Variants in SEMA4D observed in about 807,000 individuals in gnomAD.
SEMA4D encodes semaphorin-4D.
A neutral mutation model predicts 74.8 loss-of-function variants in SEMA4D; 22 were observed. That is an observed-to-expected ratio of 0.29 (90% CI 0.21 to 0.42). The LOEUF (loss-of-function observed/expected upper bound fraction) is 0.42. Among genes scored for constraint, SEMA4D ranks in the 10% least tolerant of loss-of-function variants. The probability of loss-of-function intolerance (pLI) is 1.00; values close to 1 mark genes in which losing one functional copy is unlikely to be tolerated. For synonymous variants in SEMA4D, 445 were observed against 463.7 expected (o/e 0.96, Z 0.52); for missense variants, 937 against 1,118.4 (o/e 0.84, Z 2.31).
At chr9:89,478,549 A>T (rs1390801553) in intron 1 of SEMA4D, among the ~76,000 whole-genome samples, 1 of 152,204 alleles carries the variant, frequency 6.6e-6, no homozygotes, top group Non-Finnish European at 1.5e-5. Context: ...GCTACCAGAC[A>T]TTCATCCCTA....
rs1239718214 is a variant in SEMA4D, at chr9:89,377,995, G to A, written c.*709C>T. On this transcript the variant is annotated 3_prime_UTR_variant, in exon 16 of 16. Coordinates refer to ENST00000422704, the MANE Select transcript of SEMA4D (RefSeq NM_001371194.2). The stretch of plus-strand genomic sequence containing the variant: ...AAAAAAAAAAAAGAAAAAGAAAAAA[G>A]GTGAGTGGGCTCCGGGGAGTGTTTA... 1.3e-5 allele frequency: 2 copies of A among 151,866 alleles called. No homozygotes were observed. Among genetic ancestry groups the A allele is most frequent in the African/African-American group, 4.8e-5 (2 of 41,272 alleles). 9.4% of individuals were successfully genotyped at this position (151,866 alleles called of 1,614,324 possible). A position where few individuals can be genotyped will look rare whatever the true frequency, so the allele number is the denominator to read the frequency against.
chr9:89,396,699 G>A (rs1841040655), intron 6 of SEMA4D, 38 bp downstream of exon 6: 3 of 1,548,034 alleles, frequency 1.9e-6, no homozygotes, highest in Non-Finnish European at 2.7e-6. Context: ...CTGCTGACCA[G>A]GCTGGCGTGA....
exon 19 of SEMA4D, chr9:89,362,139 T>C: frequency 1.7e-6 from 1 of 587,788 alleles, no homozygotes; most frequent in Non-Finnish European, 3.0e-6. Context: ...GGTTACCTGC[T>C]TGTGCCAGAC....
At chr9:89,479,355 G>A (rs1016515414) in intron 1 of SEMA4D, among the ~76,000 whole-genome samples, 26 of 152,154 alleles carry the variant, frequency 1.7e-4, no homozygotes, top group African/African-American at 1.9e-4. Flanking sequence ...ACAGCTTTTC[G>A]CCCAGCTCAG....
intron 12 of SEMA4D, 173 bp downstream of exon 12, chr9:89,387,213 C>T (rs189531572): frequency 5.7e-4 from 337 of 586,752 alleles, no homozygotes; most frequent in African/African-American, 5.7e-3. Context: ...GATCTGAAAG[C>T]CACCTGGTGT....
chr9:89,410,805 G>A (rs1844369172), intron 2 of SEMA4D, among the ~76,000 whole-genome samples: 1 of 152,218 alleles, frequency 6.6e-6, no homozygotes, highest in African/African-American at 2.4e-5. Context: ...CTTCCAGAAA[G>A]AAACAGGCCA....
chr9:89,376,273 G>A (rs1056417144), downstream of SEMA4D: 1 of 152,280 alleles, frequency 6.6e-6, no homozygotes, highest in Non-Finnish European at 1.5e-5. Context: ...GGCTGAGGCA[G>A]GAGGATGGCT....
intron 15 of SEMA4D, among the ~76,000 whole-genome samples, chr9:89,380,354 G>A (rs1480006655): frequency 1.3e-5 from 2 of 151,356 alleles, no homozygotes; most frequent in African/African-American, 4.9e-5. Flanking sequence ...TCTTTTTAGA[G>A]TCTGGGTCTC....
At chr9:89,421,016 C>G (rs532043647) in intron 2 of SEMA4D, among the ~76,000 whole-genome samples, 1 of 152,322 alleles carries the variant, frequency 6.6e-6, no homozygotes, top group East Asian at 1.9e-4. Context: ...ATATAACAAG[C>G]AGGGTGCAGC....
chr9:89,407,436 A>G (rs1843554814), intron 2 of SEMA4D, among the ~76,000 whole-genome samples: 1 of 152,238 alleles, frequency 6.6e-6, no homozygotes, highest in African/African-American at 2.4e-5. Context: ...AGAGCCTATG[A>G]GACCCTAGGC....
In SEMA4D at chr9:89,401,523, C is replaced by T. The variant is rs77873619; in HGVS notation, c.252+1348G>A. Among the ~76,000 whole-genome samples the T allele has an allele frequency of 4.1e-4, 62 of 152,286 alleles. No homozygotes were observed. The East Asian group carries it at 4.4e-3, about 11-fold the overall frequency. Reference sequence around the variant, plus strand: ...GAGCAAGAAAACTAACCCCACACCGCGAGGTCTCAGGAGCCAACCCAAACA... The same window carrying T: ...GAGCAAGAAAACTAACCCCACACCGTGAGGTCTCAGGAGCCAACCCAAACA... On this transcript the variant is annotated intron_variant, in intron 4 of 15. Transcript: ENST00000422704.
At chr9:89,411,331 T>A (rs986994076) in intron 2 of SEMA4D, among the ~76,000 whole-genome samples, 1 of 152,134 alleles carries the variant, frequency 6.6e-6, no homozygotes. Flanking sequence ...CCCAGTTGCA[T>A]AGCCCCCATT....
chr9:89,422,668 G>A (rs1242586567), intron 2 of SEMA4D, among the ~76,000 whole-genome samples: 1 of 152,174 alleles, frequency 6.6e-6, no homozygotes, highest in South Asian at 2.1e-4. Context: ...GGGACATTCC[G>A]ATCCTTTCCA....
intron 2 of SEMA4D, among the ~76,000 whole-genome samples, chr9:89,453,143 C>A (rs1855028851): frequency 6.6e-6 from 1 of 152,202 alleles, no homozygotes; most frequent in Admixed American, 6.5e-5. Flanking sequence ...GGGCTCCATC[C>A]CAGTGCAGGT....
At chr9:89,461,718 T>TTTC (rs1191694577) in intron 1 of SEMA4D, among the ~76,000 whole-genome samples, 3 of 121,908 alleles carry the variant, frequency 2.5e-5, no homozygotes, top group African/African-American at 9.9e-5. Flanking sequence ...TTTTTTTTTT[T>TTTC]TGGAGACAGA....
intron 5 of SEMA4D, 23 bp from the exon 6 acceptor site, chr9:89,396,858 A>G: frequency 5.0e-6 from 8 of 1,600,058 alleles, no homozygotes; most frequent in Non-Finnish European, 5.1e-6. Flanking sequence ...GAAATGCACC[A>G]TTAGCAACCG....
intron 2 of SEMA4D, among the ~76,000 whole-genome samples, chr9:89,437,477 A>G (rs187375320): frequency 6.8e-4 from 104 of 152,288 alleles, no homozygotes; most frequent in South Asian, 1.7e-3. Flanking sequence ...TCCAGATCCC[A>G]GCCTCTGCAC....
chr9:89,393,782 T>TCC, intron 6 of SEMA4D, 127 bp from the exon 7 acceptor site: 1 of 708,142 alleles, frequency 1.4e-6, no homozygotes, highest in Non-Finnish European at 2.5e-6. Flanking sequence ...AGCAGATAGG[T>TCC]GTGGAGCTAC....
intron 2 of SEMA4D, among the ~76,000 whole-genome samples, chr9:89,423,456 C>T (rs1269322542): frequency 6.6e-6 from 1 of 152,160 alleles, no homozygotes; most frequent in Admixed American, 6.5e-5. Flanking sequence ...TCTCAAAGTG[C>T]TGGGATTATA....
Sources: gnomAD v4.1 joint callset for allele counts (sites outside exome capture counted in the v4.1 genomes callset) on GRCh38, gnomAD v4.1.1 for gene constraint, MANE v1.5 for transcripts, NCBI Gene and HGNC (gene_info 2026-07-23, HGNC 2026-07-21) for gene names.